GON4L: variants seen among roughly 807,000 people sequenced by gnomAD.
GON4L encodes gon-4 like.
In GON4L, 87 loss-of-function variants were observed where a neutral mutation model predicts 211.8. The ratio of observed to expected loss-of-function variants is 0.41; its 90% CI spans 0.35 to 0.49. The LOEUF is 0.49. Among genes scored for constraint, GON4L ranks in the 20% least tolerant of loss-of-function variants. GON4L has a pLI of 0.15. For synonymous variants in GON4L, 875 were observed against 962.6 expected, an observed-to-expected ratio of 0.91 and a Z score of 1.68; for missense variants, 2,155 against 2,659.5, an observed-to-expected ratio of 0.81 and a Z score of 4.17.
Position 155,785,352 on chromosome 1 carries a change from C to T in GON4L, c.1770G>A (p.Met590Ile). 1 of 1,600,400 alleles carries T rather than the reference C, an allele frequency of 6.2e-7. No homozygotes were observed. The highest frequency in any genetic ancestry group is 8.6e-7 in the Non-Finnish European group (1 of 1,167,508). Residue 590 changes from methionine (M) to isoleucine (I), a missense_variant, in exon 13 of 32, where the codon ATG (methionine) becomes ATA (isoleucine). Coordinates refer to ENST00000368331, the MANE Select transcript of GON4L (RefSeq NM_001282860.2). ...RITKKEVNEL[M>I]EELFETFQDE... ...TACTCACAGTTTCAAACAGCTCTTC[C>T]ATCAGCTCATTTACTTCCTTTTCTG...
intron 12 of GON4L, among the ~76,000 whole-genome samples, chr1:155,792,488 C>T (rs1665693222): frequency 6.6e-6 from 1 of 152,146 alleles, no homozygotes; most frequent in South Asian, 2.1e-4. Context: ...GAGAAGTTCA[C>T]AGTCTAGGGG....
At chr1:155,776,733 T>C (rs1045278583) in intron 15 of GON4L, among the ~76,000 whole-genome samples, 2 of 151,964 alleles carry the variant, frequency 1.3e-5, no homozygotes, top group African/African-American at 4.8e-5. Context: ...TTTTATTTTT[T>C]GCAGAGACAG....
At chr1:155,760,194 T>C (rs1448909512) in intron 24 of GON4L, among the ~76,000 whole-genome samples, 1 of 151,914 alleles carries the variant, frequency 6.6e-6, no homozygotes, top group African/African-American at 2.4e-5. Context: ...GCAGAGAGCA[T>C]ATGACTCACC....
chr1:155,823,139 C>T (rs558678171), intron 3 of GON4L, among the ~76,000 whole-genome samples: 5 of 151,676 alleles, frequency 3.3e-5, no homozygotes, highest in East Asian at 3.9e-4. Flanking sequence ...ATGTTGCTCA[C>T]GATGGTCTTG....
At chr1:155,844,741 G>C (rs577558028) in intron 2 of GON4L, among the ~76,000 whole-genome samples, 39 of 152,216 alleles carry the variant, frequency 2.6e-4, no homozygotes, top group Non-Finnish European at 4.9e-4. Flanking sequence ...CTGGGTGACA[G>C]AGCGAGATCC....
chr1:155,856,805 C>T (rs934221436), intron 1 of GON4L, among the ~76,000 whole-genome samples: 3 of 148,020 alleles, frequency 2.0e-5, no homozygotes, highest in East Asian at 1.9e-4. Context: ...AGAAAGACAG[C>T]TACTTCAGCT....
Position 155,815,826 on chromosome 1 carries a change from T to C in GON4L, c.1140A>G (p.Glu380=). Reference sequence around the variant, plus strand: ...TGACCTCTTCAGCAGTTTCATCTTCTTCTTCATCATCCGGCTGGTATTCTT... The same window carrying C: ...TGACCTCTTCAGCAGTTTCATCTTCCTCTTCATCATCCGGCTGGTATTCTT... ...SDEEYQPDDE[E]EDETAEESLL... The change falls in exon 8 of 32, where the codon GAA becomes GAG. Residue 380 remains glutamate (E), a synonymous_variant. Transcript: ENST00000368331. The C allele has an allele frequency of 6.2e-7, 1 of 1,604,014 alleles. No individual in the cohort carries two copies. Among genetic ancestry groups the C allele is most frequent in the Non-Finnish European group, 8.5e-7 (1 of 1,170,878 alleles).
At chr1:155,844,499 G>A (rs572856294) in intron 2 of GON4L, among the ~76,000 whole-genome samples, 1 of 152,266 alleles carries the variant, frequency 6.6e-6, no homozygotes, top group African/African-American at 2.4e-5. Context: ...GCTCACGCCT[G>A]TAATACCAGT....
At chr1:155,788,085 G>A (rs1423428363) in intron 12 of GON4L, among the ~76,000 whole-genome samples, 4 of 152,182 alleles carry the variant, frequency 2.6e-5, no homozygotes, top group Middle Eastern at 3.4e-3. Flanking sequence ...TCCACCTTCC[G>A]GCTTCAAGCA....
Position 155,763,362 on chromosome 1 carries a change from A to G in GON4L, c.4676T>C (p.Phe1559Ser), listed in dbSNP as rs775472633. The change falls in exon 22 of 32, where the codon TTT (phenylalanine) becomes TCT (serine). Residue 1559 changes from phenylalanine (F) to serine (S), a missense_variant. By Grantham distance (155) the Phe-to-Ser change is radical (BLOSUM62 -2). This residue lies in a region of GON4L where 455 missense variants were observed against 504.6 expected (regional missense o/e 0.90). Coordinates refer to ENST00000368331, the MANE Select transcript of GON4L (RefSeq NM_001282860.2). ...VGDSAEKPPT[F>S]ASPETAPEVE... The stretch of plus-strand genomic sequence containing the variant: ...TTCTGGAGCAGTCTCAGGTGAAGCA[A>G]AAGTAGGAGGCTTCTCAGCAGAGTC... The G allele has an allele frequency of 3.7e-6, 6 of 1,613,738 alleles. No individual in the cohort carries two copies. Among genetic ancestry groups the G allele is most frequent in the Non-Finnish European group, 5.1e-6 (6 of 1,179,784 alleles).
At chr1:155,811,754 C>CAAAAAAAAAAAAAAAAA (rs145360103) in intron 10 of GON4L, among the ~76,000 whole-genome samples, 4 of 33,052 alleles carry the variant, frequency 1.2e-4, no homozygotes, top group African/African-American at 5.9e-4. Flanking sequence ...GACTCTGTCT[C>CAAAAAAAAAAAAAAAAA]AAAAAAAAAA....
At chr1:155,835,444 A>G (rs1437368143) in intron 2 of GON4L, among the ~76,000 whole-genome samples, 2 of 151,054 alleles carry the variant, frequency 1.3e-5, no homozygotes, top group African/African-American at 2.4e-5. Flanking sequence ...TCTGCGAGAA[A>G]CACCCAAGAA....
intron 22 of GON4L, among the ~76,000 whole-genome samples, chr1:155,763,054 TAAAA>T (rs1423146323): frequency 6.7e-6 from 1 of 150,292 alleles, no homozygotes; most frequent in Non-Finnish European, 1.5e-5. Context: ...AATAAAAAAA[TAAAA>T]AAAAGAAAGA....
At chr1:155,767,683 C>A (rs1346763480) in intron 19 of GON4L, 142 bp from the exon 20 acceptor site, 16 of 1,565,292 alleles carry the variant, frequency 1.0e-5, no homozygotes, top group Non-Finnish European at 1.4e-5. Flanking sequence ...ACACAAACAT[C>A]CATGAACGCA....
At chr1:155,770,022 TTAAAAA>T (rs1663015094) in intron 19 of GON4L, among the ~76,000 whole-genome samples, 2 of 70,888 alleles carry the variant, frequency 2.8e-5, no homozygotes, top group South Asian at 1.3e-3. Context: ...ACTCCATTTC[TTAAAAA>T]AAAAAAAAAA....
chr1:155,758,500 C>T (rs540379202), intron 24 of GON4L, among the ~76,000 whole-genome samples: 1 of 152,166 alleles, frequency 6.6e-6, no homozygotes, highest in African/African-American at 2.4e-5. Context: ...AGGCAGGGGC[C>T]GTGGTGTACA....
intron 16 of GON4L, 44 bp from the exon 17 acceptor site, chr1:155,775,217 A>G (rs776801359): frequency 6.2e-7 from 1 of 1,613,020 alleles, no homozygotes; most frequent in Admixed American, 1.7e-5. Flanking sequence ...AATTCCAGAC[A>G]ATTAATACCA....
At chr1:155,791,456 G>C (rs1329430654) in intron 12 of GON4L, among the ~76,000 whole-genome samples, 1 of 143,654 alleles carries the variant, frequency 7.0e-6, no homozygotes, top group Admixed American at 7.0e-5. Flanking sequence ...AAACCTGGCA[G>C]AAGAAACTTG....
At chr1:155,831,445 G>C (rs962277021) in intron 2 of GON4L, 1 of 147,100 alleles carries the variant, frequency 6.8e-6, no homozygotes, top group East Asian at 2.0e-4. Context: ...GTAAGACTCT[G>C]TCTCGTTAAA....
Sources: gnomAD v4.1 joint callset for allele counts (sites outside exome capture counted in the v4.1 genomes callset) on GRCh38, gnomAD v4.1.1 for gene constraint, gnomAD v4.1.1 regional missense constraint, MANE v1.5 for transcripts, NCBI Gene and HGNC (gene_info 2026-07-23, HGNC 2026-07-21) for gene names.